CALCR: variants seen among roughly 807,000 people sequenced by gnomAD.
CALCR encodes the protein calcitonin receptor.
Under a neutral mutation model 59.5 loss-of-function variants are expected in CALCR, and 47 were observed. That is an observed-to-expected ratio of 0.79 (90% confidence interval 0.63 to 1.01). The LOEUF is 1.01. Ranked by LOEUF, CALCR falls within the 50% of genes least tolerant of loss-of-function variation. CALCR has a pLI of 0.00. For synonymous variants in CALCR, 213 were observed against 211.3 expected, an observed-to-expected ratio of 1.01 and a Z score of -0.07; for missense variants, 566 against 597.1, an observed-to-expected ratio of 0.95 and a Z score of 0.54.
chr7:93,487,359 C>T (rs1487954345), intron 2 of CALCR, among the ~76,000 whole-genome samples: 1 of 151,352 alleles, frequency 6.6e-6, no homozygotes, highest in South Asian at 2.1e-4. Flanking sequence ...ATGAAGATGT[C>T]CACCAAGAAG....
At chr7:93,564,506 G>C (rs182144052) in intron 2 of CALCR, among the ~76,000 whole-genome samples, 2 of 152,184 alleles carry the variant, frequency 1.3e-5, no homozygotes, top group African/African-American at 4.8e-5. Flanking sequence ...AGGATGGAGT[G>C]CAATGGCACT....
At chr7:93,440,787 G>A (rs1799885094) in intron 9 of CALCR, among the ~76,000 whole-genome samples, 1 of 151,972 alleles carries the variant, frequency 6.6e-6, no homozygotes, top group Non-Finnish European at 1.5e-5. Context: ...TAGGCACAAT[G>A]TTGTACAGCA....
chr7:93,546,598 G>A (rs1468275297), intron 2 of CALCR, among the ~76,000 whole-genome samples: 4 of 151,046 alleles, frequency 2.6e-5, no homozygotes, highest in Admixed American at 6.6e-5. Flanking sequence ...TTTAGACAGG[G>A]TGGAGTGCAG....
intron 12 of CALCR, 92 bp downstream of exon 12, chr7:93,435,860 A>G (rs1584534604): frequency 6.5e-6 from 3 of 463,412 alleles, no homozygotes; most frequent in African/African-American, 2.0e-5. Flanking sequence ...ACAAATAAGT[A>G]AAATAATAAT....
At chr7:93,523,312 T>C (rs938265465) in intron 2 of CALCR, among the ~76,000 whole-genome samples, 1 of 152,186 alleles carries the variant, frequency 6.6e-6, no homozygotes, top group African/African-American at 2.4e-5. Context: ...TCTCCTCCCA[T>C]TTTTTGGTAG....
intron 2 of CALCR, among the ~76,000 whole-genome samples, chr7:93,567,698 C>T (rs1789897396): frequency 6.6e-6 from 1 of 152,030 alleles, no homozygotes; most frequent in African/African-American, 2.4e-5. Flanking sequence ...TATCCCTCCC[C>T]CAGCCCCCTG....
In CALCR at chr7:93,425,873, G is replaced by A. The variant is rs1799514628; in HGVS notation, c.*483C>T. On this transcript the variant is annotated 3_prime_UTR_variant, in exon 14 of 14. Coordinates refer to ENST00000426151, the MANE Select transcript of CALCR (RefSeq NM_001742.4). ...TTCATGTGGTTTACATTGTAAGGAT[G>A]GTAAAACATCTCAGTAACATCAGAA... is the stretch of plus-strand genomic sequence containing the variant. 6.5e-6 allele frequency: 1 copy of A among 152,696 alleles called. No individual in the cohort carries two copies. Among genetic ancestry groups the A allele is most frequent in the African/African-American group, 2.4e-5 (1 of 41,228 alleles). The allele number at this position is 152,696 out of a possible 1,614,324, so 9.5% of individuals were successfully genotyped here.
chr7:93,536,630 G>A (rs2116159008), intron 2 of CALCR, among the ~76,000 whole-genome samples: 1 of 151,770 alleles, frequency 6.6e-6, no homozygotes, highest in Middle Eastern at 3.4e-3. Flanking sequence ...GTGCCATGTT[G>A]GTGTGCTGCA....
At chr7:93,522,862 G>A (rs1801793883) in intron 2 of CALCR, among the ~76,000 whole-genome samples, 1 of 152,064 alleles carries the variant, frequency 6.6e-6, no homozygotes, top group African/African-American at 2.4e-5. Context: ...GTTCTGTTAT[G>A]CCACTGGCAA....
chr7:93,429,344 C>T (rs1799599632), intron 13 of CALCR, among the ~76,000 whole-genome samples: 1 of 152,108 alleles, frequency 6.6e-6, no homozygotes. Flanking sequence ...AGTTTTGTTG[C>T]TCCTGAAAAT....
At chr7:93,528,719 G>T (rs1021315825) in intron 2 of CALCR, among the ~76,000 whole-genome samples, 1 of 152,108 alleles carries the variant, frequency 6.6e-6, no homozygotes, top group Non-Finnish European at 1.5e-5. Flanking sequence ...AGCCTTTAAA[G>T]AATAAGTTAA....
At chr7:93,434,557 G>C (rs953940051) in intron 12 of CALCR, among the ~76,000 whole-genome samples, 1 of 151,570 alleles carries the variant, frequency 6.6e-6, no homozygotes, top group Non-Finnish European at 1.5e-5. Context: ...CTTTAACATG[G>C]AGATTTATAG....
chr7:93,430,805 C>T (rs1402161332), intron 13 of CALCR, among the ~76,000 whole-genome samples: 1 of 152,158 alleles, frequency 6.6e-6, no homozygotes, highest in African/African-American at 2.4e-5. Flanking sequence ...CAAGCAATCC[C>T]TGGTTTCAGA....
In CALCR at chr7:93,511,579, A is replaced by G. The variant is rs142221730; in HGVS notation, c.-26-24572T>C. Among the ~76,000 whole-genome samples the G allele has an allele frequency of 3.2e-4, 49 of 152,282 alleles. No individual in the cohort carries two copies. The East Asian group carries it at 9.3e-3, about 29-fold the overall frequency. On this transcript the variant is annotated intron_variant, in intron 2 of 13. Coordinates refer to ENST00000426151, the MANE Select transcript of CALCR (RefSeq NM_001742.4). ...AATAAAAAAATTACTAGATATGTGA[A>G]AAGTGGGAAAATGTAATTCCTTTTG...
chr7:93,487,777 T>C (rs376970111), intron 2 of CALCR, among the ~76,000 whole-genome samples: 1 of 151,578 alleles, frequency 6.6e-6, no homozygotes, highest in Non-Finnish European at 1.5e-5. Context: ...GTTATGACTG[T>C]ATCTTAACTG....
chr7:93,540,334 GT>G (rs1041168570), intron 2 of CALCR, among the ~76,000 whole-genome samples: 23 of 152,166 alleles, frequency 1.5e-4, no homozygotes, highest in African/African-American at 5.1e-4. Flanking sequence ...CAGTCACTCT[GT>G]TTTTGGTAAA....
At chr7:93,446,442 A>G (rs974746037) in intron 8 of CALCR, among the ~76,000 whole-genome samples, 2 of 151,918 alleles carry the variant, frequency 1.3e-5, no homozygotes, top group Non-Finnish European at 2.9e-5. Context: ...TTTTCAAACT[A>G]TTTTTCAGAA....
At chr7:93,565,455 TAA>T (rs1789842968) in intron 2 of CALCR, among the ~76,000 whole-genome samples, 1 of 152,236 alleles carries the variant, frequency 6.6e-6, no homozygotes, top group Admixed American at 6.5e-5. Context: ...GAAGAAATGC[TAA>T]GTTTCTCATT....
At chr7:93,548,830 T>A (rs1308682084) in intron 2 of CALCR, among the ~76,000 whole-genome samples, 3 of 144,472 alleles carry the variant, frequency 2.1e-5, no homozygotes, top group African/African-American at 7.9e-5. Flanking sequence ...AATAATTCAA[T>A]CCAGAAGAAG....
Sources: allele counts gnomAD v4.1 joint callset (sites outside exome capture counted in the v4.1 genomes callset), GRCh38; gene constraint gnomAD v4.1.1; transcripts MANE v1.5; gene names NCBI Gene and HGNC (gene_info 2026-07-23, HGNC 2026-07-21).